The following ARHGAP22 variants were observed in gnomAD, a reference collection of about 807,000 sequenced individuals.
ARHGAP22 encodes Rho GTPase activating protein 22.
Under a neutral mutation model 59.1 loss-of-function variants are expected in ARHGAP22, and 48 were observed. The ratio of observed to expected loss-of-function variants is 0.81; its 90% CI spans 0.64 to 1.03. ARHGAP22 has a LOEUF of 1.03. Among genes scored for constraint, ARHGAP22 ranks in the 50% least tolerant of loss-of-function variants. The pLI is 0.00. For synonymous variants in ARHGAP22, 445 were observed against 416.4 expected (o/e 1.07, Z -0.84); for missense variants, 1,015 against 958.7 (o/e 1.06, Z -0.78).
At chr10:48,577,426 G>C (rs932859951) in intron 2 of ARHGAP22, among the ~76,000 whole-genome samples, 1 of 152,180 alleles carries the variant, frequency 6.6e-6, no homozygotes, top group Non-Finnish European at 1.5e-5. Context: ...GGAGCTGACT[G>C]GGTGGCGTCG....
intron 2 of ARHGAP22, among the ~76,000 whole-genome samples, chr10:48,555,791 A>C (rs1232427183): frequency 6.6e-6 from 1 of 152,194 alleles, no homozygotes; most frequent in African/African-American, 2.4e-5. Flanking sequence ...AGCTCTGCCC[A>C]CAGGCAGGGG....
At chr10:48,549,812 C>T (rs1306390887) in intron 3 of ARHGAP22, among the ~76,000 whole-genome samples, 2 of 152,100 alleles carry the variant, frequency 1.3e-5, no homozygotes, top group Non-Finnish European at 2.9e-5. Flanking sequence ...GATTCTAAGT[C>T]CCCCACTATC....
chr10:48,508,534 G>A (rs1317838070), intron 3 of ARHGAP22, among the ~76,000 whole-genome samples: 1 of 152,244 alleles, frequency 6.6e-6, no homozygotes, highest in East Asian at 1.9e-4. Context: ...GACCAGCAAA[G>A]TCACCTCCTT....
rs531609585 is a variant in ARHGAP22, at chr10:48,598,402, A to T, written c.34+6361T>A. On this transcript the variant is annotated intron_variant, in intron 1 of 9. Coordinates refer to ENST00000249601, the MANE Select transcript of ARHGAP22 (RefSeq NM_021226.4). ...TGTTCTCAGCTTGTGGTGCTGAAAC[A>T]CTCTGGTACTTACAAACTCTGCAGG... Among the ~76,000 whole-genome samples the T allele has an allele frequency of 4.1e-4, 62 of 152,084 alleles. No homozygotes were observed. The Middle Eastern group carries it at 0.017, about 42-fold the overall frequency.
rs1480502105 is a variant in ARHGAP22 at position 48,537,197 on chromosome 10, T to G, written c.322+18266A>C. On this transcript the variant is annotated intron_variant, in intron 3 of 9. Coordinates refer to ENST00000249601, the MANE Select transcript of ARHGAP22 (RefSeq NM_021226.4). ...TTCCACATTCCTTCAGGGCAGCCCTTGCGGGGTGGCTGGTCTTGCAGCTCT... is the reference window on the plus strand; with the variant it reads ...TTCCACATTCCTTCAGGGCAGCCCTGGCGGGGTGGCTGGTCTTGCAGCTCT... Among the ~76,000 whole-genome samples the G allele has an allele frequency of 6.6e-5, 10 of 152,306 alleles. No homozygotes were observed. The East Asian group carries it at 1.9e-3, about 29-fold the overall frequency.
At chr10:48,522,445 C>T (rs1219297894) in intron 3 of ARHGAP22, among the ~76,000 whole-genome samples, 2 of 152,358 alleles carry the variant, frequency 1.3e-5, no homozygotes, top group East Asian at 3.9e-4. Flanking sequence ...AGAGGAGGTG[C>T]CCCTGGCTCT....
At chr10:48,594,773 G>T (rs780947833) in intron 1 of ARHGAP22, among the ~76,000 whole-genome samples, 25 of 152,138 alleles carry the variant, frequency 1.6e-4, no homozygotes, top group Non-Finnish European at 3.1e-4. Context: ...TTCTAGCTAG[G>T]TACAGGGGTG....
At chr10:48,655,970 G>GC (rs2062794685), upstream of ARHGAP22, 1 of 152,346 alleles carries the variant, frequency 6.6e-6, no homozygotes, top group Non-Finnish European at 1.5e-5. Flanking sequence ...GCTTGCACCC[G>GC]CATCTCCCGC....
chr10:48,524,741 C>T (rs1321753447), intron 3 of ARHGAP22, among the ~76,000 whole-genome samples: 2 of 152,250 alleles, frequency 1.3e-5, no homozygotes, highest in African/African-American at 4.8e-5. Flanking sequence ...ACCCTCAAAC[C>T]TGGCGGGCTA....
At position 48,454,146 on chromosome 10, in the gene ARHGAP22, C is replaced by T; in HGVS notation, c.808G>A (p.Ala270Thr). 1.2e-6 allele frequency: 2 copies of T among 1,613,988 alleles called. No individual in the cohort carries two copies. The highest frequency in any genetic ancestry group is 3.3e-4 in the Middle Eastern group (2 of 6,062). The stretch of plus-strand genomic sequence containing the variant: ...TGAGGAAGGTTGCTCACTTGTTTAG[C>T]CAACTCCAGAGTGCCCTTAGGAATG... ...KDEGEGTLELAKQVSNLPQAN... is the reference protein window; with the variant it reads ...KDEGEGTLELTKQVSNLPQAN... The change falls in exon 7 of 10, where the codon GCT (alanine) becomes ACT (threonine). Residue 270 changes from alanine (A) to threonine (T), a missense_variant. By Grantham distance (58) the Ala-to-Thr change is moderately conservative. Coordinates refer to ENST00000249601, the MANE Select transcript of ARHGAP22 (RefSeq NM_021226.4).
At chr10:48,460,300 A>ACCCCT (rs1408359992) in intron 4 of ARHGAP22, among the ~76,000 whole-genome samples, 1 of 152,224 alleles carries the variant, frequency 6.6e-6, no homozygotes, top group Non-Finnish European at 1.5e-5. Context: ...ACCATGGAAC[A>ACCCCT]CAGTGCAGCA....
At chr10:48,655,054 C>CTTTCTTTCTTTCTTTCTTTCTTTCTCCT (rs1309930149), upstream of ARHGAP22, among the ~76,000 whole-genome samples, 2 of 61,624 alleles carry the variant, frequency 3.2e-5, no homozygotes, top group African/African-American at 1.3e-4. Flanking sequence ...TTCTTTCTTT[C>CTTTCTTTCTTTCTTTCTTTCTTTCTCCT]TCCTTCCTTC....
At chr10:48,562,000 G>A (rs2057717075) in intron 2 of ARHGAP22, among the ~76,000 whole-genome samples, 1 of 152,218 alleles carries the variant, frequency 6.6e-6, no homozygotes, top group African/African-American at 2.4e-5. Context: ...GCCGAGGTGG[G>A]CAGATCACGA....
chr10:48,570,362 A>G (rs911853602), intron 2 of ARHGAP22, among the ~76,000 whole-genome samples: 6 of 152,222 alleles, frequency 3.9e-5, no homozygotes, highest in Non-Finnish European at 8.8e-5. Context: ...GACATTTTAA[A>G]AAAGGAAATA....
chr10:48,529,994 TG>T (rs770637592), intron 3 of ARHGAP22, among the ~76,000 whole-genome samples: 15 of 152,192 alleles, frequency 9.9e-5, no homozygotes, highest in Non-Finnish European at 1.6e-4. Flanking sequence ...CCCAGCACTT[TG>T]GGAGGCCAAC....
chr10:48,487,017 G>A (rs772480140), intron 3 of ARHGAP22, among the ~76,000 whole-genome samples: 5 of 152,164 alleles, frequency 3.3e-5, no homozygotes, highest in East Asian at 3.9e-4. Context: ...TGATTATGAC[G>A]TGCCTCAGTG....
intron 5 of ARHGAP22, among the ~76,000 whole-genome samples, chr10:48,455,576 A>G (rs1215543061): frequency 1.3e-5 from 2 of 152,158 alleles, no homozygotes; most frequent in African/African-American, 2.4e-5. Flanking sequence ...TGCACAGGGG[A>G]GGGCCCTGGG....
intron 1 of ARHGAP22, among the ~76,000 whole-genome samples, chr10:48,621,752 A>G (rs7084382): frequency 0.055 from 8,303 of 152,192 alleles, 728 homozygotes; most frequent in African/African-American, 0.19. Flanking sequence ...AGATACTGAA[A>G]TTTCCAGTTA....
chr10:48,498,020 C>T (rs2051119213), intron 3 of ARHGAP22, among the ~76,000 whole-genome samples: 1 of 152,142 alleles, frequency 6.6e-6, no homozygotes, highest in Admixed American at 6.5e-5. Flanking sequence ...CTGTCTATCC[C>T]TTAGAGTTGC....
Sources: allele counts gnomAD v4.1 joint callset (sites outside exome capture counted in the v4.1 genomes callset), GRCh38; gene constraint gnomAD v4.1.1; transcripts MANE v1.5; gene names NCBI Gene and HGNC (gene_info 2026-07-23, HGNC 2026-07-21).